SLC12A3: variants seen among roughly 807,000 people sequenced by gnomAD.
SLC12A3 encodes the protein Na-Cl cotransporter.
Under a neutral mutation model 121.0 loss-of-function variants are expected in SLC12A3, and 104 were observed. The ratio of observed to expected loss-of-function variants is 0.86; its 90% CI spans 0.73 to 1.01. SLC12A3 has a LOEUF of 1.01. Ranked by LOEUF, SLC12A3 falls within the 50% of genes least tolerant of loss-of-function variation. The probability of loss-of-function intolerance (pLI) is 0.00; values close to 1 mark genes in which losing one functional copy is unlikely to be tolerated. For missense variants in SLC12A3, 1,328 were observed against 1,356.3 expected (o/e 0.98, Z 0.33); for synonymous variants, 536 against 533.4 (o/e 1.00, Z -0.07).
At chr16:56,896,696 A>G (rs34594331) in intron 22 of SLC12A3, among the ~76,000 whole-genome samples, 5,318 of 152,324 alleles carry the variant, frequency 0.035, 143 homozygotes, top group African/African-American at 0.07. Context: ...GCAGTGAGCT[A>G]TGATTGCACC....
intron 2 of SLC12A3, 99 bp from the exon 3 acceptor site, chr16:56,868,198 G>A: frequency 1.8e-6 from 2 of 1,110,326 alleles, no homozygotes; most frequent in South Asian, 1.3e-5. Context: ...TGTCCCTAGG[G>A]CCTAGGTGCT....
rs935703588 is a variant in SLC12A3 at position 56,903,999 on chromosome 16, C to T, written c.2857-396C>T. On this transcript the variant is annotated intron_variant, in intron 24 of 25. Coordinates refer to ENST00000563236, the MANE Select transcript of SLC12A3 (RefSeq NM_001126108.2). The stretch of plus-strand genomic sequence containing the variant: ...CTCATTTGATCCTCCCCAAATTCCC[C>T]TGGAGAAGGTATCATCATACCCATT... 1.8e-4 allele frequency among the ~76,000 whole-genome samples: 27 copies of T among 152,332 alleles called. No individual in the cohort carries two copies. In the East Asian group the frequency reaches 1.9e-3, roughly 11 times the overall value.
chr16:56,893,971 TTTTATTTATTTATTTATTTATTTA>T (rs56844793), intron 21 of SLC12A3, among the ~76,000 whole-genome samples: 12 of 116,918 alleles, frequency 1.0e-4, no homozygotes, highest in South Asian at 5.7e-4. Flanking sequence ...TTTATTTTTA[TTTTATTTATTTATTTATTTATTTA>T]TTTATTTATT....
chr16:56,876,412 A>C (rs1596901826), intron 8 of SLC12A3, among the ~76,000 whole-genome samples: 1 of 152,148 alleles, frequency 6.6e-6, no homozygotes, highest in Non-Finnish European at 1.5e-5. Flanking sequence ...TGGGGACCCC[A>C]TGTGCATGGC....
At chr16:56,910,051 CT>C (rs112654842) in intron 25 of SLC12A3, among the ~76,000 whole-genome samples, 7,659 of 152,072 alleles carry the variant, frequency 0.05, 649 homozygotes, top group African/African-American at 0.17. Flanking sequence ...CCAGACACCT[CT>C]TTTTTTTCTA....
rs368404107 is a variant in SLC12A3, at chr16:56,890,400, T to G, written c.2368+44T>G. 4.3e-5 allele frequency: 67 copies of G among 1,549,238 alleles called. 5 individuals are homozygous for G. In the African/African-American group the frequency reaches 4.3e-4, roughly 10 times the overall value. On this transcript the variant is annotated intron_variant, in intron 19 of 25. Transcript: ENST00000563236. ...CACTCCCAGAAAGTTCTAGAACACA[T>G]TTTTTGTTTTTAAATGGCAGAGGGA...
intron 25 of SLC12A3, among the ~76,000 whole-genome samples, chr16:56,905,339 A>AC (rs1491547968): frequency 2.4e-5 from 2 of 81,816 alleles, no homozygotes; most frequent in Non-Finnish European, 4.3e-5. Flanking sequence ...ACTCCGTCTC[A>AC]AAAAAAAAAA....
chr16:56,908,415 GAT>G lies in SLC12A3; in HGVS notation c.2924+3954_2924+3955del, dbSNP rs770382687. 6.2e-3 allele frequency among the ~76,000 whole-genome samples: 941 copies of G among 152,190 alleles called. 13 individuals carry two copies. Among genetic ancestry groups the G allele is most frequent in the African/African-American group, 0.021 (891 of 41,508 alleles). On this transcript the variant is annotated intron_variant, in intron 25 of 25. Transcript: ENST00000563236. Reference sequence around the variant, plus strand: ...CCACCTCAGCCTCCCAAAGTGCTGGGATTACAGGCGTGAGCCACGGTGCCCAG... The same window carrying G: ...CCACCTCAGCCTCCCAAAGTGCTGGGTACAGGCGTGAGCCACGGTGCCCAG...
At chr16:56,896,720 C>G (rs1039815576) in intron 22 of SLC12A3, among the ~76,000 whole-genome samples, 6 of 152,118 alleles carry the variant, frequency 3.9e-5, no homozygotes, top group Admixed American at 3.9e-4. Flanking sequence ...GCACTCTAGC[C>G]TGGGTGAAAG....
In SLC12A3 at chr16:56,887,909, C is replaced by T. The variant is rs1424805903; in HGVS notation, c.2179-16C>T. On this transcript the variant is annotated splice_polypyrimidine_tract_variant and intron_variant, in intron 17 of 25. Coordinates refer to ENST00000563236, the MANE Select transcript of SLC12A3 (RefSeq NM_001126108.2). The stretch of plus-strand genomic sequence containing the variant: ...CCCTCTGATGGGTTCCCCATCTCAC[C>T]CCTATCCCCTGGCAGGCCGCAGGTC... The T allele has an allele frequency of 6.2e-7, 1 of 1,604,840 alleles. No homozygotes were observed. Among genetic ancestry groups the T allele is most frequent in the Admixed American group, 1.7e-5 (1 of 59,716 alleles).
In SLC12A3 at chr16:56,868,351, A is replaced by G; in HGVS notation, c.484A>G (p.Ile162Val). Residue 162 changes from isoleucine to valine, a missense_variant, in exon 3 of 26, where the codon ATT (isoleucine) becomes GTT (valine). Coordinates refer to ENST00000563236, the MANE Select transcript of SLC12A3 (RefSeq NM_001126108.2). ...GATCCTCTACCTGCGGCTGCCCTGG[A>G]TTACGGCCCAGGCAGGCATCGGTGA... Reference protein sequence around the residue: ...GVILYLRLPWITAQAGIVLTW... With the variant: ...GVILYLRLPWVTAQAGIVLTW... 6.2e-7 allele frequency: 1 copy of G among 1,613,560 alleles called. No homozygotes were observed. Among genetic ancestry groups the G allele is most frequent in the Non-Finnish European group, 8.5e-7 (1 of 1,179,834 alleles).
At position 56,898,070 on chromosome 16, in the gene SLC12A3, C is replaced by T. The variant is rs561195344; in HGVS notation, c.2634-1460C>T. 1.8e-4 allele frequency among the ~76,000 whole-genome samples: 27 copies of T among 152,298 alleles called. No homozygotes were observed. In the South Asian group the frequency reaches 4.8e-3, roughly 27 times the overall value. ...TGCCCTGTTCCACCCCCCTGCACCC[C>T]GATGCCTTCCCTCCTTTTGACTGTT... On this transcript the variant is annotated intron_variant, in intron 22 of 25. Coordinates refer to ENST00000563236, the MANE Select transcript of SLC12A3 (RefSeq NM_001126108.2).
At chr16:56,883,624 C>A (rs752895189) in intron 13 of SLC12A3, among the ~76,000 whole-genome samples, 25 of 152,180 alleles carry the variant, frequency 1.6e-4, no homozygotes, top group Non-Finnish European at 3.4e-4. Flanking sequence ...ACTAGGCCAC[C>A]TTTTACATAG....
rs200697179 is a variant in SLC12A3, at chr16:56,885,363, C to G, written c.1924C>G (p.Arg642Gly). The G allele has an allele frequency of 4.3e-5, 67 of 1,546,070 alleles. No homozygotes were observed. The highest frequency in any genetic ancestry group is 4.5e-5 in the Non-Finnish European group (51 of 1,141,308). ...GGTGGAAGACCACATCAAGAACTAC[C>G]GGTGAGCAGAGCTGCTGGGACCCAC... ...NEVEDHIKNY[R>G]PQCLVLTGPP... is the part of the protein sequence containing the mutation. The change falls in exon 15 of 26, where the codon CGC (arginine) becomes GGC (glycine). Residue 642 changes from arginine (R) to glycine (G), a missense_variant and splice_region_variant. Physicochemically the swap from Arg to Gly is moderately radical, Grantham distance 125. Coordinates refer to ENST00000563236, the MANE Select transcript of SLC12A3 (RefSeq NM_001126108.2).
chr16:56,872,816 C>A lies in SLC12A3; in HGVS notation c.1095+30C>A, dbSNP rs575486157. 38 of 1,613,558 alleles carry A rather than the reference C, an allele frequency of 2.4e-5. No individual in the cohort carries two copies. The African/African-American group carries it at 3.7e-4, about 16-fold the overall frequency. On this transcript the variant is annotated intron_variant, in intron 8 of 25. Coordinates refer to ENST00000563236, the MANE Select transcript of SLC12A3 (RefSeq NM_001126108.2). ...GCAGAATACTTGCCCCTCCTGTGTC[C>A]TGGCACTGCACAGGGGCTATGAGCA...
At position 56,913,431 on chromosome 16, in the gene SLC12A3, C is replaced by T. The variant is rs2055713761; in HGVS notation, c.*26C>T. The T allele has an allele frequency of 6.2e-7, 1 of 1,612,588 alleles. No homozygotes were observed. Among genetic ancestry groups the T allele is most frequent in the African/African-American group, 1.3e-5 (1 of 74,900 alleles). On this transcript the variant is annotated 3_prime_UTR_variant, in exon 26 of 26. Coordinates refer to ENST00000563236, the MANE Select transcript of SLC12A3 (RefSeq NM_001126108.2). ...CTCCAGGCTTTGACATCCCTGTCCA[C>T]AGCTCTGAGTGTGTGGGATAAGTTG... is the stretch of plus-strand genomic sequence containing the variant.
At chr16:56,893,835 T>G (rs1234622552) in intron 21 of SLC12A3, among the ~76,000 whole-genome samples, 3 of 152,164 alleles carry the variant, frequency 2.0e-5, no homozygotes, top group Non-Finnish European at 4.4e-5. Context: ...TGAAGTGCAG[T>G]GGCATGATGT....
At chr16:56,871,611 C>T (rs1264911053) in intron 6 of SLC12A3, among the ~76,000 whole-genome samples, 1 of 152,256 alleles carries the variant, frequency 6.6e-6, no homozygotes, top group Non-Finnish European at 1.5e-5. Context: ...CTTGTTCATT[C>T]TCCCACTTAA....
intron 23 of SLC12A3, among the ~76,000 whole-genome samples, chr16:56,901,022 C>A (rs549972946): frequency 8.7e-4 from 132 of 152,164 alleles, no homozygotes; most frequent in African/African-American, 3.0e-3. Flanking sequence ...CCAGCATCAT[C>A]AGTGACCTCC....
Sources: gnomAD v4.1 joint callset for allele counts (sites outside exome capture counted in the v4.1 genomes callset) on GRCh38, gnomAD v4.1.1 for gene constraint, MANE v1.5 for transcripts, NCBI Gene and HGNC (gene_info 2026-07-23, HGNC 2026-07-21) for gene names.